The following VTI1A variants were observed in gnomAD, a reference collection of about 807,000 sequenced individuals.
The protein encoded by VTI1A is vesicle transport through interaction with t-SNAREs homolog 1A.
In VTI1A, 22 loss-of-function variants were observed where a neutral mutation model predicts 34.9. The ratio of observed to expected loss-of-function variants is 0.63; its 90% CI spans 0.45 to 0.90. The LOEUF is 0.90. VTI1A is among the 40% of genes least tolerant of loss of function. VTI1A has a pLI of 0.00. For missense variants in VTI1A, 268 were observed against 275.6 expected (o/e 0.97, Z 0.20); for synonymous variants, 87 against 97.3 (o/e 0.89, Z 0.62).
At position 112,754,544 on chromosome 10, in the gene VTI1A, G is replaced by A. The variant is rs564428635; in HGVS notation, c.561-60746G>A. On this transcript the variant is annotated intron_variant, in intron 7 of 7. Transcript: ENST00000393077. The stretch of plus-strand genomic sequence containing the variant: ...ACAGTAATTCTCACCTGTACACACA[G>A]TGTACTGTTAAAACTTTGATGATAT... Among the ~76,000 whole-genome samples the A allele has an allele frequency of 3.9e-5, 6 of 152,344 alleles. No homozygotes were observed. The South Asian group carries it at 1.0e-3, about 26-fold the overall frequency.
intron 3 of VTI1A, among the ~76,000 whole-genome samples, chr10:112,481,237 A>T (rs1275511113): frequency 6.6e-6 from 1 of 152,244 alleles, no homozygotes; most frequent in Non-Finnish European, 1.5e-5. Flanking sequence ...TTCTGTATCA[A>T]ACTATTTTAA....
intron 5 of VTI1A, among the ~76,000 whole-genome samples, chr10:112,541,547 A>C (rs1850870101): frequency 1.3e-5 from 2 of 152,202 alleles, no homozygotes; most frequent in African/African-American, 4.8e-5. Flanking sequence ...CTATTCATTA[A>C]CTTGATGAAT....
At chr10:112,840,835 G>A in the VTI1A span, among the ~76,000 whole-genome samples, 1 of 152,214 alleles carries the variant, frequency 6.6e-6, no homozygotes, top group Middle Eastern at 3.2e-3. Context: ...ATAATGGGAA[G>A]AGAGTGGGTT....
At chr10:112,465,157 A>G (rs1847855942) in intron 3 of VTI1A, among the ~76,000 whole-genome samples, 1 of 152,356 alleles carries the variant, frequency 6.6e-6, no homozygotes, top group Admixed American at 6.5e-5. Context: ...AACCACTTTC[A>G]ATTGACAGTT....
chr10:112,846,087 G>A, the VTI1A span, among the ~76,000 whole-genome samples: 1 of 152,184 alleles, frequency 6.6e-6, no homozygotes, highest in East Asian at 1.9e-4. Flanking sequence ...TCGAGGCAGA[G>A]CCTGGCAGGA....
At chr10:112,735,381 ACAAT>A (rs1850415578) in intron 7 of VTI1A, among the ~76,000 whole-genome samples, 1 of 152,232 alleles carries the variant, frequency 6.6e-6, no homozygotes, top group Non-Finnish European at 1.5e-5. Flanking sequence ...TTCTTTAAAA[ACAAT>A]CAATCGGATT....
the VTI1A span, chr10:112,827,451 T>C: frequency 6.6e-6 from 1 of 152,148 alleles, no homozygotes; most frequent in Non-Finnish European, 1.5e-5. Flanking sequence ...TGCTGCTGTT[T>C]CCTACATCTC....
intron 7 of VTI1A, among the ~76,000 whole-genome samples, chr10:112,756,305 G>A (rs1851281455): frequency 6.6e-6 from 1 of 152,120 alleles, no homozygotes; most frequent in Non-Finnish European, 1.5e-5. Flanking sequence ...GTGTGTTACG[G>A]CATGACTACT....
intron 3 of VTI1A, among the ~76,000 whole-genome samples, chr10:112,472,292 C>T (rs1848117362): frequency 6.6e-6 from 1 of 152,116 alleles, no homozygotes; most frequent in Non-Finnish European, 1.5e-5. Flanking sequence ...TAGACCAGCT[C>T]CTAGTGCAGA....
intron 7 of VTI1A, among the ~76,000 whole-genome samples, chr10:112,734,757 A>G (rs753676111): frequency 6.6e-6 from 1 of 151,158 alleles, no homozygotes; most frequent in Non-Finnish European, 1.5e-5. Flanking sequence ...GGTTCAAGAC[A>G]TTCTCGTGCC....
chr10:112,454,143 T>G (rs1181527813), intron 1 of VTI1A, among the ~76,000 whole-genome samples: 1 of 152,224 alleles, frequency 6.6e-6, no homozygotes, highest in Non-Finnish European at 1.5e-5. Flanking sequence ...GACCCTACAT[T>G]TCTAAGTACA....
rs577289821 is a variant in VTI1A, at chr10:112,695,355, A to G, written c.560+26357A>G. On this transcript the variant is annotated intron_variant, in intron 7 of 7. Transcript: ENST00000393077. The stretch of plus-strand genomic sequence containing the variant: ...GTATTTACATAAATAAAAAGCATCT[A>G]ATTAAGCCTTCAAATGACATTTTTT... Among the ~76,000 whole-genome samples, 13 of 151,850 alleles carry G rather than the reference A, an allele frequency of 8.6e-5. No homozygotes were observed. In the East Asian group the frequency reaches 2.5e-3, roughly 29 times the overall value.
intron 7 of VTI1A, among the ~76,000 whole-genome samples, chr10:112,746,828 A>G (rs1272371237): frequency 6.6e-6 from 1 of 152,226 alleles, no homozygotes; most frequent in Non-Finnish European, 1.5e-5. Flanking sequence ...AAACAAGTCA[A>G]TGGAATCACT....
chr10:112,460,595 A>T lies in VTI1A; in HGVS notation c.153+13A>T. 1 of 1,578,552 alleles carries T rather than the reference A, an allele frequency of 6.3e-7. No homozygotes were observed. Among genetic ancestry groups the T allele is most frequent in the Non-Finnish European group, 8.6e-7 (1 of 1,164,486 alleles). On this transcript the variant is annotated intron_variant, in intron 2 of 7. Transcript: ENST00000393077. ...AGCGAAAGAACTGGTATGTACAGAC[A>T]GTAATGTATTTTAACACACAGCCAG...
intron 1 of VTI1A, 52 bp downstream of exon 1, chr10:112,447,519 C>A: frequency 6.3e-7 from 1 of 1,589,260 alleles, no homozygotes; most frequent in Non-Finnish European, 8.6e-7. Context: ...TGGGAGGGTG[C>A]GGGCGGTGGA....
intron 7 of VTI1A, among the ~76,000 whole-genome samples, chr10:112,706,977 TGTG>T (rs1849221714): frequency 1.3e-5 from 2 of 152,164 alleles, no homozygotes; most frequent in African/African-American, 4.8e-5. Context: ...CACAAAAAAA[TGTG>T]GTGAGTTTAC....
At chr10:112,756,140 G>A (rs1274457305) in intron 7 of VTI1A, among the ~76,000 whole-genome samples, 10 of 152,170 alleles carry the variant, frequency 6.6e-5, no homozygotes, top group African/African-American at 2.2e-4. Flanking sequence ...GCTCCGTGGC[G>A]TGGAGAAAGG....
At chr10:112,543,142 G>T (rs1400690487) in intron 5 of VTI1A, among the ~76,000 whole-genome samples, 1 of 152,178 alleles carries the variant, frequency 6.6e-6, no homozygotes, top group Non-Finnish European at 1.5e-5. Flanking sequence ...GAACATACGT[G>T]TGCATGTGTC....
chr10:112,656,387 CT>C (rs71489977), intron 5 of VTI1A, among the ~76,000 whole-genome samples: 73,757 of 132,720 alleles, frequency 0.56, 20,750 homozygotes, highest in Non-Finnish European at 0.63. Context: ...CTTCCCAAAC[CT>C]TTTTTTTTTT....
Sources: gnomAD v4.1 joint callset for allele counts (sites outside exome capture counted in the v4.1 genomes callset) on GRCh38, gnomAD v4.1.1 for gene constraint, MANE v1.5 for transcripts, NCBI Gene and HGNC (gene_info 2026-07-23, HGNC 2026-07-21) for gene names.